Variants in PLEKHG1 observed in about 807,000 individuals in gnomAD.
PLEKHG1 encodes the protein pleckstrin homology and RhoGEF domain containing G1.
Under a neutral mutation model 100.8 loss-of-function variants are expected in PLEKHG1, and 44 were observed. The ratio of observed to expected loss-of-function variants is 0.44; its 90% CI spans 0.34 to 0.56. The LOEUF (loss-of-function observed/expected upper bound fraction) is 0.56, where lower values mean the gene tolerates loss of function less well. Among genes scored for constraint, PLEKHG1 ranks in the 20% least tolerant of loss-of-function variants. The pLI is 0.01. For synonymous variants in PLEKHG1, 640 were observed against 662.5 expected, an observed-to-expected ratio of 0.97 and a Z score of 0.52; for missense variants, 1,545 against 1,720.9, an observed-to-expected ratio of 0.90 and a Z score of 1.81.
intron 3 of PLEKHG1, among the ~76,000 whole-genome samples, chr6:150,658,555 A>G (rs1216882941): frequency 2.0e-5 from 3 of 152,204 alleles, no homozygotes; most frequent in Non-Finnish European, 4.4e-5. Flanking sequence ...TCATTTGTCT[A>G]TGGTTTCCCT....
chr6:150,810,673 C>A (rs527686784), intron 10 of PLEKHG1, among the ~76,000 whole-genome samples: 3 of 152,126 alleles, frequency 2.0e-5, no homozygotes, highest in South Asian at 2.1e-4. Context: ...GAGGCACTAG[C>A]ACCTTGGGAG....
At chr6:150,839,001 G>A (rs368381264) in intron 15 of PLEKHG1, among the ~76,000 whole-genome samples, 12 of 152,316 alleles carry the variant, frequency 7.9e-5, no homozygotes, top group African/African-American at 2.4e-4. Flanking sequence ...AGCAAGAAGC[G>A]CAGCAACAGC....
intron 3 of PLEKHG1, among the ~76,000 whole-genome samples, chr6:150,676,831 C>T (rs1012211311): frequency 6.6e-6 from 1 of 152,182 alleles, no homozygotes; most frequent in Admixed American, 6.5e-5. Context: ...AACTCTCTCC[C>T]GTTCTTCTAT....
chr6:150,745,811 G>A (rs1367735683), intron 2 of PLEKHG1, among the ~76,000 whole-genome samples: 1 of 152,030 alleles, frequency 6.6e-6, no homozygotes, highest in East Asian at 1.9e-4. Flanking sequence ...CATGACAAAT[G>A]ATTAAGACAT....
At chr6:150,836,925 G>A (rs549940057) in intron 15 of PLEKHG1, among the ~76,000 whole-genome samples, 115 of 152,252 alleles carry the variant, frequency 7.6e-4, no homozygotes, top group Non-Finnish European at 1.4e-3. Flanking sequence ...ACTTAGGGAG[G>A]CTAAGGCTGG....
At chr6:150,629,492 G>A (rs916309464) in intron 1 of PLEKHG1, among the ~76,000 whole-genome samples, 1 of 151,342 alleles carries the variant, frequency 6.6e-6, no homozygotes, top group South Asian at 2.1e-4. Context: ...ATGGATTCTT[G>A]CTCTGTTGCC....
intron 2 of PLEKHG1, among the ~76,000 whole-genome samples, chr6:150,648,885 A>G (rs1778602568): frequency 6.6e-6 from 1 of 152,160 alleles, no homozygotes; most frequent in Non-Finnish European, 1.5e-5. Flanking sequence ...TTTATATAGT[A>G]TTCATGATTT....
At chr6:150,782,158 C>T (rs1362506544) in intron 3 of PLEKHG1, among the ~76,000 whole-genome samples, 1 of 152,020 alleles carries the variant, frequency 6.6e-6, no homozygotes, top group Non-Finnish European at 1.5e-5. Context: ...GGGCTCACAT[C>T]TGTAATCCCA....
intron 14 of PLEKHG1, among the ~76,000 whole-genome samples, chr6:150,827,474 T>C (rs803414): frequency 0.69 from 104,676 of 151,620 alleles, 36,348 homozygotes; most frequent in Non-Finnish European, 0.71. Flanking sequence ...ACGGGTTTCT[T>C]CATGTTGGTC....
intron 14 of PLEKHG1, among the ~76,000 whole-genome samples, chr6:150,824,375 T>A (rs998217762): frequency 6.6e-6 from 1 of 152,218 alleles, no homozygotes; most frequent in African/African-American, 2.4e-5. Context: ...CCTTGTTTAA[T>A]GTTCTGTATC....
At chr6:150,802,516 GAAAAACAGC>G (rs1308150646) in intron 6 of PLEKHG1, among the ~76,000 whole-genome samples, 1 of 151,958 alleles carries the variant, frequency 6.6e-6, no homozygotes, top group East Asian at 1.9e-4. Context: ...TAATTAACAG[GAAAAACAGC>G]CTTTATCCTA....
chr6:150,775,138 C>G (rs1389092652), intron 3 of PLEKHG1, among the ~76,000 whole-genome samples: 1 of 152,146 alleles, frequency 6.6e-6, no homozygotes, highest in African/African-American at 2.4e-5. Flanking sequence ...TAAACAACCA[C>G]AAGGTCAGGA....
chr6:150,689,118 A>G (rs1270759482), intron 3 of PLEKHG1, among the ~76,000 whole-genome samples: 2 of 152,156 alleles, frequency 1.3e-5, no homozygotes, highest in African/African-American at 4.8e-5. Flanking sequence ...AATTTACTAG[A>G]CATTTTGTAT....
intron 10 of PLEKHG1, among the ~76,000 whole-genome samples, chr6:150,815,840 ATAACTT>A (rs1401435698): frequency 1.3e-5 from 2 of 152,220 alleles, no homozygotes; most frequent in African/African-American, 2.4e-5. Flanking sequence ...AAAAATGAAA[ATAACTT>A]TAAAGAGGCA....
chr6:150,756,211 G>A (rs3734408), intron 2 of PLEKHG1, among the ~76,000 whole-genome samples: 18,091 of 152,086 alleles, frequency 0.12, 1,164 homozygotes, highest in East Asian at 0.17. Context: ...AAGTTTCTGG[G>A]GAACATCCCA....
chr6:150,647,823 A>G (rs1417690971), intron 2 of PLEKHG1, among the ~76,000 whole-genome samples: 2 of 152,174 alleles, frequency 1.3e-5, no homozygotes, highest in Non-Finnish European at 2.9e-5. Context: ...TTTTGAATTT[A>G]TAGAACAGCC....
intron 3 of PLEKHG1, among the ~76,000 whole-genome samples, chr6:150,710,008 G>C (rs1472752641): frequency 1.3e-5 from 2 of 152,046 alleles, no homozygotes; most frequent in Non-Finnish European, 2.9e-5. Context: ...GGCTGGTGGG[G>C]ATGGTTTTTA....
At chr6:150,628,393 T>C (rs1158852934) in intron 1 of PLEKHG1, among the ~76,000 whole-genome samples, 1 of 152,112 alleles carries the variant, frequency 6.6e-6, no homozygotes, top group Non-Finnish European at 1.5e-5. Flanking sequence ...CCCTTCACTG[T>C]AAGAAGAGCA....
exon 15 of PLEKHG1, chr6:150,830,601 C>T: frequency 6.9e-6 from 11 of 1,594,518 alleles, no homozygotes; most frequent in Non-Finnish European, 9.4e-6. Flanking sequence ...GAGGAAGGAT[C>T]TCCCCAGCTG....
Sources: allele counts gnomAD v4.1 joint callset (sites outside exome capture counted in the v4.1 genomes callset), GRCh38; gene constraint gnomAD v4.1.1; transcripts MANE v1.5; gene names NCBI Gene and HGNC (gene_info 2026-07-23, HGNC 2026-07-21).